Variants in CRTAC1 observed in about 807,000 individuals in gnomAD.
The protein encoded by CRTAC1 is acidic secreted protein in cartilage.
A neutral mutation model predicts 67.8 loss-of-function variants in CRTAC1; 37 were observed. That is an observed-to-expected ratio of 0.55 (90% confidence interval 0.42 to 0.72). The LOEUF (loss-of-function observed/expected upper bound fraction) is 0.72. CRTAC1 is among the 30% of genes least tolerant of loss of function. The pLI is 0.00. For synonymous variants in CRTAC1, 348 were observed against 371.0 expected (o/e 0.94, Z 0.71); for missense variants, 780 against 931.6 (o/e 0.84, Z 2.12).
chr10:97,885,588 G>A (rs533772562), intron 11 of CRTAC1, among the ~76,000 whole-genome samples: 10 of 152,326 alleles, frequency 6.6e-5, no homozygotes, highest in East Asian at 5.8e-4. Context: ...AGCTCCCCGC[G>A]TAAGGAAACA....
chr10:97,878,734 C>G, intron 14 of CRTAC1: 2 of 1,300,820 alleles, frequency 1.5e-6, no homozygotes, highest in South Asian at 1.2e-5. Context: ...TATGTCCAGC[C>G]AGACATTGAG....
intron 1 of CRTAC1, among the ~76,000 whole-genome samples, chr10:98,013,949 G>A (rs1455670064): frequency 6.6e-6 from 1 of 152,166 alleles, no homozygotes; most frequent in African/African-American, 2.4e-5. Context: ...GTGGGGCAGG[G>A]AGAATAAGTC....
intron 1 of CRTAC1, among the ~76,000 whole-genome samples, chr10:98,028,376 A>G (rs759613211): frequency 6.6e-6 from 1 of 152,338 alleles, no homozygotes; most frequent in Non-Finnish European, 1.5e-5. Context: ...CCTACTGGAC[A>G]CCAAGGAGTC....
intron 1 of CRTAC1, among the ~76,000 whole-genome samples, chr10:98,025,467 G>C (rs934516810): frequency 2.0e-5 from 3 of 152,138 alleles, no homozygotes; most frequent in South Asian, 2.1e-4. Context: ...GAGTGGTTCA[G>C]GGGAAAAACG....
chr10:98,016,925 C>T (rs1007759561), intron 1 of CRTAC1, among the ~76,000 whole-genome samples: 28 of 152,214 alleles, frequency 1.8e-4, no homozygotes, highest in African/African-American at 6.3e-4. Flanking sequence ...CAGGATGACA[C>T]TGCCTGAAAC....
At chr10:97,884,913 C>T (rs2050260235) in intron 11 of CRTAC1, among the ~76,000 whole-genome samples, 1 of 152,188 alleles carries the variant, frequency 6.6e-6, no homozygotes, top group South Asian at 2.1e-4. Context: ...GGACAAATCC[C>T]AGCTGTGCAG....
At chr10:98,018,594 G>T (rs1240660592) in intron 1 of CRTAC1, among the ~76,000 whole-genome samples, 1 of 152,180 alleles carries the variant, frequency 6.6e-6, no homozygotes, top group Non-Finnish European at 1.5e-5. Context: ...AAGCAACCTG[G>T]ATTCTCTGAC....
chr10:97,996,672 G>A (rs528630214), intron 2 of CRTAC1, among the ~76,000 whole-genome samples: 138 of 152,344 alleles, frequency 9.1e-4, no homozygotes, highest in Non-Finnish European at 1.0e-3. Flanking sequence ...GGAAGTTGGT[G>A]TGGTGATTCC....
At chr10:97,879,901 C>A in intron 14 of CRTAC1, 2 of 1,130,386 alleles carry the variant, frequency 1.8e-6, no homozygotes, top group South Asian at 3.1e-5. Flanking sequence ...GAAGAAATTA[C>A]CAGTTTAGAA....
At position 98,026,901 on chromosome 10, in the gene CRTAC1, C is replaced by T. The variant is rs374015429; in HGVS notation, c.24+3548G>A. Among the ~76,000 whole-genome samples, 54 of 152,204 alleles carry T rather than the reference C, an allele frequency of 3.5e-4. 2 individuals carry two copies. In the South Asian group the frequency reaches 9.1e-3, roughly 26 times the overall value. ...TGGGGAGATAATAACAAAAGGGGGCCGGGCGCGGTGGCTCACGCCTGTAAT... is the reference window on the plus strand; with the variant it reads ...TGGGGAGATAATAACAAAAGGGGGCTGGGCGCGGTGGCTCACGCCTGTAAT... On this transcript the variant is annotated intron_variant, in intron 1 of 14. Coordinates refer to ENST00000370597, the MANE Select transcript of CRTAC1 (RefSeq NM_018058.7).
chr10:97,896,954 C>T lies in CRTAC1; in HGVS notation c.1171G>A (p.Glu391Lys). 6.4e-7 allele frequency: 1 copy of T among 1,560,986 alleles called. No homozygotes were observed. The highest frequency in any genetic ancestry group is 8.7e-7 in the Non-Finnish European group (1 of 1,151,718). Residue 391 changes from glutamate (E) to lysine (K), a missense_variant, in exon 9 of 15, where the codon GAG becomes AAG. Physicochemically the swap from Glu to Lys is moderately conservative, Grantham distance 56. Coordinates refer to ENST00000370597, the MANE Select transcript of CRTAC1 (RefSeq NM_018058.7). ...RREHGDPLIE[E>K]LNPGDALEPE... ...TCCAAGGCGTCGCCGGGATTGAGCT[C>T]CTCGATGAGGGGGTCTCCGTGCTCT...
At position 97,901,498 on chromosome 10, in the gene CRTAC1, T is replaced by C. The variant is rs201428083; in HGVS notation, c.1133+5A>G. On this transcript the variant is annotated splice_donor_5th_base_variant and intron_variant, in intron 8 of 14. Transcript: ENST00000370597. ...AAGAGCCACGAGCCAGGATGGAGCA[T>C]CTACCGGAAGAGGCGGTTGGCTGAG... 1.1e-5 allele frequency: 17 copies of C among 1,614,124 alleles called. No homozygotes were observed. Among genetic ancestry groups the C allele is most frequent in the Non-Finnish European group, 1.4e-5 (16 of 1,179,990 alleles).
At chr10:97,906,183 A>G (rs2050609241) in intron 6 of CRTAC1, among the ~76,000 whole-genome samples, 1 of 152,110 alleles carries the variant, frequency 6.6e-6, no homozygotes. Flanking sequence ...GAGGTGTGGG[A>G]AGAAGAGGCA....
chr10:98,027,116 G>A (rs1475794684), intron 1 of CRTAC1, among the ~76,000 whole-genome samples: 1 of 151,144 alleles, frequency 6.6e-6, no homozygotes, highest in African/African-American at 2.4e-5. Flanking sequence ...GCAGTGAGCC[G>A]AGATTGCGCC....
chr10:97,959,429 T>C (rs1332277759), intron 2 of CRTAC1, among the ~76,000 whole-genome samples: 1 of 152,046 alleles, frequency 6.6e-6, no homozygotes, highest in African/African-American at 2.4e-5. Context: ...AATCTGGGAG[T>C]GCCCAGCTGG....
intron 13 of CRTAC1, among the ~76,000 whole-genome samples, chr10:97,881,292 G>A (rs1269634931): frequency 6.6e-6 from 1 of 152,148 alleles, no homozygotes; most frequent in African/African-American, 2.4e-5. Context: ...CCTTTGTCCT[G>A]TCTCCCGCTT....
chr10:97,883,616 C>A (rs953073182), intron 12 of CRTAC1, among the ~76,000 whole-genome samples: 2 of 152,234 alleles, frequency 1.3e-5, no homozygotes, highest in Non-Finnish European at 2.9e-5. Flanking sequence ...CCAGTTTCTA[C>A]TCATCCTGAG....
At chr10:97,899,170 TCCCAGATGCAGC>T (rs200143082) in intron 8 of CRTAC1, among the ~76,000 whole-genome samples, 1,775 of 152,314 alleles carry the variant, frequency 0.012, 12 homozygotes, top group Middle Eastern at 0.027. Context: ...TGAGTGCCAG[TCCCAGATGCAGC>T]CCCTCTCGCT....
chr10:97,905,925 C>A (rs1280974497), intron 6 of CRTAC1, among the ~76,000 whole-genome samples: 1 of 152,124 alleles, frequency 6.6e-6, no homozygotes, highest in Non-Finnish European at 1.5e-5. Flanking sequence ...CCTAGCTGCT[C>A]ACTGGCCAGT....
Sources: allele counts gnomAD v4.1 joint callset (sites outside exome capture counted in the v4.1 genomes callset), GRCh38; gene constraint gnomAD v4.1.1; transcripts MANE v1.5; gene names NCBI Gene and HGNC (gene_info 2026-07-23, HGNC 2026-07-21).